TSEN54: variants seen among roughly 807,000 people sequenced by gnomAD.
TSEN54 encodes tRNA splicing endonuclease subunit 54, also known as tRNA-splicing endonuclease subunit Sen54.
Under a neutral mutation model 61.9 loss-of-function variants are expected in TSEN54, and 55 were observed. The ratio of observed to expected loss-of-function variants is 0.89; its 90% CI spans 0.72 to 1.11. The LOEUF (loss-of-function observed/expected upper bound fraction) is 1.11. Ranked by LOEUF, TSEN54 falls within the 50% of genes most tolerant of loss-of-function variation. The pLI is 0.00. For synonymous variants in TSEN54, 304 were observed against 288.7 expected (o/e 1.05, Z -0.54); for missense variants, 760 against 687.7 (o/e 1.11, Z -1.18).
rs1397217070 is a variant in TSEN54, at chr17:75,520,339, G to A, written c.522-1070G>A. On this transcript the variant is annotated intron_variant, in intron 6 of 10. Coordinates refer to ENST00000333213, the MANE Select transcript of TSEN54 (RefSeq NM_207346.3). ...AATCCCAGCATTTTGGGAGGCCGAC[G>A]CGGGCGGATCGCGTGAGCTCAGGAG... Among the ~76,000 whole-genome samples, 24 of 151,746 alleles carry A rather than the reference G, an allele frequency of 1.6e-4. 1 individual carries two copies. Among genetic ancestry groups the A allele is most frequent in the Non-Finnish European group, 1.5e-5 (1 of 67,968 alleles).
intron 6 of TSEN54, among the ~76,000 whole-genome samples, chr17:75,520,640 A>T (rs1009109413): frequency 4.6e-5 from 7 of 151,378 alleles, no homozygotes; most frequent in Non-Finnish European, 7.4e-5. Flanking sequence ...TTTTTTGAAC[A>T]GCATTGCCTT....
chr17:75,523,786 A>C lies in TSEN54; in HGVS notation c.1430+7A>C, dbSNP rs367658427. On this transcript the variant is annotated splice_region_variant and intron_variant, in intron 10 of 10. Transcript: ENST00000333213. Reference sequence around the variant, plus strand: ...CCCGGATGTGCATTAGTGGGTACGCAGTGAGCCAGCACTGCCCCTCCCCCA... The same window carrying C: ...CCCGGATGTGCATTAGTGGGTACGCCGTGAGCCAGCACTGCCCCTCCCCCA... The C allele has an allele frequency of 6.2e-7, 1 of 1,613,158 alleles. No homozygotes were observed. Among genetic ancestry groups the C allele is most frequent in the South Asian group, 1.1e-5 (1 of 90,960 alleles).
rs770120878 is a variant in TSEN54 at position 75,521,402 on chromosome 17, C to A, written c.522-7C>A. 3 of 1,613,038 alleles carry A rather than the reference C, an allele frequency of 1.9e-6. No individual in the cohort carries two copies. In the South Asian group the frequency reaches 3.3e-5, roughly 18 times the overall value. ...TCAGTGGCCCACCCGCTGTTCTCAC[C>A]CCACAGCTCTGTCCTGTCCCCGTAT... is the stretch of plus-strand genomic sequence containing the variant. On this transcript the variant is annotated splice_polypyrimidine_tract_variant and splice_region_variant and intron_variant, in intron 6 of 10. Transcript: ENST00000333213.
At chr17:75,523,239 C>T (rs371363686) in intron 8 of TSEN54, 36 bp from the exon 9 acceptor site, 21 of 1,613,848 alleles carry the variant, frequency 1.3e-5, no homozygotes, top group Middle Eastern at 1.6e-4. Flanking sequence ...AAATGTGACT[C>T]CCCTCCCCAG....
chr17:75,523,922 A>G, intron 10 of TSEN54, 143 bp downstream of exon 10: 1 of 955,810 alleles, frequency 1.0e-6, no homozygotes, highest in South Asian at 1.4e-5. Context: ...GACCTACACA[A>G]GGCCACACAG....
intron 6 of TSEN54, 169 bp from the exon 7 acceptor site, chr17:75,521,227 ATGGCTGGGCCCCC>A (rs2053423900): frequency 1.6e-5 from 10 of 634,998 alleles, no homozygotes; most frequent in South Asian, 6.9e-5. Flanking sequence ...GCAGAGGCAC[ATGGCTGGGCCCCC>A]TGGCTGGGCC....
chr17:75,523,889 C>T, intron 10 of TSEN54, 110 bp downstream of exon 10: 1 of 1,253,522 alleles, frequency 8.0e-7, no homozygotes, highest in South Asian at 1.3e-5. Context: ...CTGAGAGGAA[C>T]AGGAGGTCCA....
In TSEN54 at chr17:75,517,225, C is replaced by G. The variant is rs772929120; in HGVS notation, c.350C>G (p.Ala117Gly). The change falls in exon 4 of 11, where the codon GCC becomes GGC. Residue 117 changes from alanine to glycine, a missense_variant. By Grantham distance (60) the Ala-to-Gly change is moderately conservative. Coordinates refer to ENST00000333213, the MANE Select transcript of TSEN54 (RefSeq NM_207346.3). ...QGRQRLHPEEALYLLECGSIH... is the reference protein window; with the variant it reads ...QGRQRLHPEEGLYLLECGSIH... ...CGGCAGCGCCTTCACCCGGAAGAGGCCTTGTATCTTCTGGAGTGTGTAAGT... is the reference window on the plus strand; with the variant it reads ...CGGCAGCGCCTTCACCCGGAAGAGGGCTTGTATCTTCTGGAGTGTGTAAGT... 2 of 1,602,024 alleles carry G rather than the reference C, an allele frequency of 1.2e-6. No homozygotes were observed. Among genetic ancestry groups the G allele is most frequent in the African/African-American group, 2.7e-5 (2 of 74,574 alleles).
intron 8 of TSEN54, chr17:75,523,066 C>G (rs914350774): frequency 1.7e-6 from 1 of 601,060 alleles, no homozygotes; most frequent in African/African-American, 1.8e-5. Flanking sequence ...ATAATCCCAG[C>G]TACTCAGGAG....
In TSEN54 at chr17:75,522,252, C is replaced by G. The variant is rs1038249770; in HGVS notation, c.1171C>G (p.Gln391Glu). Residue 391 changes from glutamine (Q) to glutamate (E), a missense_variant, in exon 8 of 11, where the codon CAG (glutamine) becomes GAG (glutamate). By Grantham distance (29) the Gln-to-Glu change is conservative (BLOSUM62 2). Transcript: ENST00000333213. ...GGAGCTGCTGCAGCGGCGGCAGGTG[C>G]AGAGGAGCCAGCGCCGGGCCCCTCA... Reference protein sequence around the residue: ...YKELLQRRQVQRSQRRAPHLW... With the variant: ...YKELLQRRQVERSQRRAPHLW... 1 of 1,547,564 alleles carries G rather than the reference C, an allele frequency of 6.5e-7. No individual in the cohort carries two copies. Among genetic ancestry groups the G allele is most frequent in the Non-Finnish European group, 8.7e-7 (1 of 1,146,294 alleles).
chr17:75,521,291 G>A (rs2053424409), intron 6 of TSEN54, 118 bp from the exon 7 acceptor site: 1 of 852,788 alleles, frequency 1.2e-6, no homozygotes, highest in Non-Finnish European at 1.9e-6. Context: ...TTAGCACTTG[G>A]GTGTGGCTCC....
At chr17:75,522,697 G>A in intron 8 of TSEN54, 1 of 437,506 alleles carries the variant, frequency 2.3e-6, no homozygotes, top group East Asian at 4.7e-5. Context: ...TCTAAGCCCA[G>A]GGAACCAATG....
rs750049001 is a variant in TSEN54 at position 75,516,824 on chromosome 17, C to T, written c.135C>T (p.Pro45=). 6 of 1,592,004 alleles carry T rather than the reference C, an allele frequency of 3.8e-6. No individual in the cohort carries two copies. The South Asian group carries it at 6.6e-5, about 18-fold the overall frequency. Residue 45 remains proline, a synonymous_variant, in exon 2 of 11, where the codon CCC becomes CCT. Coordinates refer to ENST00000333213, the MANE Select transcript of TSEN54 (RefSeq NM_207346.3). ...QRSHGPKDFL[P]DGSAAQAERL... ...CGCATGGCCCCAAGGACTTTCTGCCCGACGGCTCGGCAGCTCAGGCCGAGC... is the reference window on the plus strand; with the variant it reads ...CGCATGGCCCCAAGGACTTTCTGCCTGACGGCTCGGCAGCTCAGGCCGAGC...
At chr17:75,518,384 A>G in intron 5 of TSEN54, 1 of 299,888 alleles carries the variant, frequency 3.3e-6, no homozygotes, top group East Asian at 1.7e-4. Context: ...GCAGATAAGA[A>G]GCAGAAACAG....
chr17:75,522,885 A>AG, intron 8 of TSEN54: 1 of 310,356 alleles, frequency 3.2e-6, no homozygotes, highest in East Asian at 8.1e-5. Context: ...AAAAAAAAAA[A>AG]AAAAATGTTG....
At chr17:75,518,217 T>C (rs2053393602) in intron 5 of TSEN54, among the ~76,000 whole-genome samples, 1 of 152,114 alleles carries the variant, frequency 6.6e-6, no homozygotes, top group Non-Finnish European at 1.5e-5. Flanking sequence ...GACAGACAAT[T>C]GGAATCCAAG....
Position 75,519,016 on chromosome 17 carries a change from T to A in TSEN54, c.490T>A (p.Leu164Met), listed in dbSNP as rs2053401626. 1 of 1,612,418 alleles carries A rather than the reference T, an allele frequency of 6.2e-7. No individual in the cohort carries two copies. Among genetic ancestry groups the A allele is most frequent in the Non-Finnish European group, 8.5e-7 (1 of 1,179,686 alleles). The change falls in exon 6 of 11, where the codon TTG (leucine) becomes ATG (methionine). Residue 164 changes from leucine (L) to methionine (M), a missense_variant. Leu to Met is a conservative substitution (Grantham distance 15). Transcript: ENST00000333213. ...TGAGGTCTTCAGCCACCTGAAGAGG[T>A]TGGGTTATGTGGTTCGACGATTCCA... The part of the protein sequence containing the change: ...QYQVFSHLKR[L>M]GYVVRRFQPS...
chr17:75,521,561 T>C (rs1385048292), intron 7 of TSEN54, 51 bp downstream of exon 7: 7 of 1,595,522 alleles, frequency 4.4e-6, no homozygotes, highest in Non-Finnish European at 6.0e-6. Context: ...GTCTGGGACC[T>C]TGGAAAATGC....
In TSEN54 at chr17:75,516,546, G is replaced by T. The variant is rs1305881618; in HGVS notation, c.-15G>T. On this transcript the variant is annotated 5_prime_UTR_variant, in exon 1 of 11. Transcript: ENST00000333213. ...GCGGGGCGTGGCGGCGCGCGCAGCG[G>T]CAGGCGGCGGCGGGATGGAGCCCGA... 127 of 1,120,614 alleles carry T rather than the reference G, an allele frequency of 1.1e-4. 1 individual carries two copies. Among genetic ancestry groups the T allele is most frequent in the Non-Finnish European group, 5.4e-6 (5 of 919,090 alleles). 69.4% of individuals were successfully genotyped at this position (1,120,614 alleles called of 1,614,324 possible).
Sources: gnomAD v4.1 joint callset for allele counts (sites outside exome capture counted in the v4.1 genomes callset) on GRCh38, gnomAD v4.1.1 for gene constraint, MANE v1.5 for transcripts, NCBI Gene and HGNC (gene_info 2026-07-23, HGNC 2026-07-21) for gene names.